Variants in TUSC3 observed in about 807,000 individuals in gnomAD.
TUSC3 encodes the protein tumor suppressor candidate 3.
In TUSC3, 45 loss-of-function variants were observed where a neutral mutation model predicts 44.8. That is an observed-to-expected ratio of 1.00 (90% CI 0.79 to 1.29). The LOEUF is 1.29. Ranked by LOEUF, TUSC3 falls within the 50% of genes most tolerant of loss-of-function variation. TUSC3 has a pLI of 0.00. For synonymous variants in TUSC3, 212 were observed against 152.9 expected (o/e 1.39, Z -2.85); for missense variants, 519 against 437.9 (o/e 1.19, Z -1.65).
intron 1 of TUSC3, among the ~76,000 whole-genome samples, chr8:15,422,046 TTAAC>T (rs1799744432): frequency 6.6e-6 from 1 of 152,162 alleles, no homozygotes; most frequent in South Asian, 2.1e-4. Context: ...ACATTGCACT[TTAAC>T]TGTCTCTAGA....
chr8:15,566,794 G>C (rs1169822049), intron 1 of TUSC3, among the ~76,000 whole-genome samples: 2 of 151,974 alleles, frequency 1.3e-5, no homozygotes, highest in African/African-American at 4.8e-5. Flanking sequence ...TGGTTAATTT[G>C]TGTGTATGTG....
the TUSC3 span, among the ~76,000 whole-genome samples, chr8:15,819,977 T>G: frequency 6.6e-6 from 1 of 152,330 alleles, no homozygotes; most frequent in Non-Finnish European, 1.5e-5. Context: ...GTTATTATGT[T>G]GTCAATTATT....
At chr8:15,578,672 A>G (rs1254612724) in intron 1 of TUSC3, among the ~76,000 whole-genome samples, 1 of 151,884 alleles carries the variant, frequency 6.6e-6, no homozygotes, top group Non-Finnish European at 1.5e-5. Context: ...AGCCCACTTG[A>G]TCATGGTGGA....
the TUSC3 span, among the ~76,000 whole-genome samples, chr8:15,785,719 G>C: frequency 6.6e-6 from 1 of 151,972 alleles, no homozygotes; most frequent in African/African-American, 2.4e-5. Flanking sequence ...TGGGCCTCAC[G>C]TGGAGCTCTG....
At chr8:15,501,905 C>A (rs1474975180) in intron 2 of TUSC3, among the ~76,000 whole-genome samples, 1 of 152,166 alleles carries the variant, frequency 6.6e-6, no homozygotes, top group Non-Finnish European at 1.5e-5. Flanking sequence ...CTACCTGTGT[C>A]CACCTTAGTT....
At chr8:15,528,967 C>G (rs1801413701) in intron 2 of TUSC3, among the ~76,000 whole-genome samples, 1 of 152,114 alleles carries the variant, frequency 6.6e-6, no homozygotes, top group East Asian at 1.9e-4. Flanking sequence ...CCTTTGTCAC[C>G]GCAGTTAATA....
chr8:15,657,875 C>G (rs1443267284), intron 3 of TUSC3, among the ~76,000 whole-genome samples: 2 of 152,160 alleles, frequency 1.3e-5, no homozygotes, highest in African/African-American at 4.8e-5. Flanking sequence ...GTGCTAGAGG[C>G]TGAAAGTCCA....
At chr8:15,650,958 C>G in intron 3 of TUSC3, 144 bp downstream of exon 3, 1 of 727,650 alleles carries the variant, frequency 1.4e-6, no homozygotes, top group Non-Finnish European at 2.4e-6. Context: ...CCACTGCATT[C>G]CAGGTGGAGG....
intron 6 of TUSC3, among the ~76,000 whole-genome samples, chr8:15,729,111 C>G (rs999794624): frequency 9.2e-5 from 14 of 152,118 alleles, no homozygotes; most frequent in African/African-American, 2.9e-4. Context: ...AAGTTATTCT[C>G]TAAATTTGTG....
At chr8:15,572,197 T>C (rs747808206) in intron 1 of TUSC3, among the ~76,000 whole-genome samples, 13 of 152,190 alleles carry the variant, frequency 8.5e-5, no homozygotes, top group Non-Finnish European at 1.5e-4. Flanking sequence ...TATACCCGTC[T>C]CCATCAATTA....
At chr8:15,602,173 T>G (rs1804315179) in intron 1 of TUSC3, among the ~76,000 whole-genome samples, 1 of 151,760 alleles carries the variant, frequency 6.6e-6, no homozygotes, top group African/African-American at 2.4e-5. Context: ...GAAAAAAGTC[T>G]GAAGTCCAAA....
At chr8:15,633,423 C>G (rs961181386) in intron 2 of TUSC3, among the ~76,000 whole-genome samples, 1 of 152,144 alleles carries the variant, frequency 6.6e-6, no homozygotes, top group East Asian at 1.9e-4. Flanking sequence ...GGAATTGTTT[C>G]TTTCCAAAAA....
chr8:15,618,463 A>G (rs972413256), intron 1 of TUSC3, among the ~76,000 whole-genome samples: 3 of 152,120 alleles, frequency 2.0e-5, no homozygotes, highest in Non-Finnish European at 4.4e-5. Flanking sequence ...ACACACATAC[A>G]TTAGCCTAGG....
chr8:15,652,329 ATTTC>A (rs1278404259), intron 3 of TUSC3, among the ~76,000 whole-genome samples: 4 of 152,014 alleles, frequency 2.6e-5, no homozygotes, highest in African/African-American at 9.7e-5. Context: ...CATCCAGATT[ATTTC>A]TTCTTGCCAG....
chr8:15,463,052 C>G (rs1800367600), intron 1 of TUSC3, among the ~76,000 whole-genome samples: 1 of 151,888 alleles, frequency 6.6e-6, no homozygotes, highest in African/African-American at 2.4e-5. Flanking sequence ...TCCCCTTTTC[C>G]TCTTCCTCTA....
At chr8:15,763,122 A>G (rs961908667) in intron 10 of TUSC3, among the ~76,000 whole-genome samples, 3 of 151,632 alleles carry the variant, frequency 2.0e-5, no homozygotes, top group Non-Finnish European at 4.4e-5. Context: ...TACACTGTAT[A>G]TTATATAATT....
At chr8:15,793,865 A>G in the TUSC3 span, among the ~76,000 whole-genome samples, 1 of 152,250 alleles carries the variant, frequency 6.6e-6, no homozygotes, top group Non-Finnish European at 1.5e-5. Context: ...GGAACATTTC[A>G]GGCAGATGTC....
At chr8:15,820,223 G>C in the TUSC3 span, among the ~76,000 whole-genome samples, 2 of 151,122 alleles carry the variant, frequency 1.3e-5, no homozygotes, top group East Asian at 3.9e-4. Flanking sequence ...AATGTATTAT[G>C]CTTCTTATAT....
At chr8:15,844,921 A>C in the TUSC3 span, among the ~76,000 whole-genome samples, 2 of 152,126 alleles carry the variant, frequency 1.3e-5, no homozygotes, top group South Asian at 2.1e-4. Context: ...GTGGTCTTAA[A>C]ATATTTTCTA....
Sources: allele counts gnomAD v4.1 joint callset (sites outside exome capture counted in the v4.1 genomes callset), GRCh38; gene constraint gnomAD v4.1.1; transcripts MANE v1.5; gene names NCBI Gene and HGNC (gene_info 2026-07-23, HGNC 2026-07-21).